The following CCDC170 variants were observed in gnomAD, a reference collection of about 807,000 sequenced individuals.
CCDC170 encodes the protein coiled-coil domain-containing protein 170.
Under a neutral mutation model 72.6 loss-of-function variants are expected in CCDC170, and 69 were observed. The ratio of observed to expected loss-of-function variants is 0.95; its 90% CI spans 0.78 to 1.16. CCDC170 has a LOEUF of 1.16. Ranked by LOEUF, CCDC170 falls within the 50% of genes most tolerant of loss-of-function variation. CCDC170 has a pLI of 0.00. For missense variants in CCDC170, 852 were observed against 832.5 expected (o/e 1.02, Z -0.29); for synonymous variants, 300 against 303.9 (o/e 0.99, Z 0.13).
intron 4 of CCDC170, among the ~76,000 whole-genome samples, chr6:151,545,928 C>G (rs1459376550): frequency 6.6e-6 from 1 of 152,120 alleles, no homozygotes; most frequent in African/African-American, 2.4e-5. Context: ...GCCACCATGC[C>G]CAGCACCCAT....
chr6:151,567,986 C>A (rs1245550358), intron 5 of CCDC170, among the ~76,000 whole-genome samples: 1 of 20,324 alleles, frequency 4.9e-5, no homozygotes, highest in Non-Finnish European at 7.4e-5. Context: ...TGGCACGCAC[C>A]TGTACCCCAG....
chr6:151,579,122 G>A (rs1776346596), intron 6 of CCDC170, among the ~76,000 whole-genome samples: 1 of 151,974 alleles, frequency 6.6e-6, no homozygotes, highest in African/African-American at 2.4e-5. Context: ...CACCTCTAGT[G>A]TTGAAATATC....
chr6:151,595,036 G>A (rs1234991232), intron 8 of CCDC170, among the ~76,000 whole-genome samples: 1 of 152,186 alleles, frequency 6.6e-6, no homozygotes. Context: ...AATGATCTGG[G>A]TATGGACACA....
chr6:151,545,089 G>A (rs1165501773), intron 4 of CCDC170, among the ~76,000 whole-genome samples: 2 of 152,066 alleles, frequency 1.3e-5, no homozygotes, highest in African/African-American at 2.4e-5. Context: ...GATACTGATT[G>A]AGTGTGAGAT....
In CCDC170 at chr6:151,527,667, C is replaced by A. The variant is rs375986747; in HGVS notation, c.58-8651C>A. ...GGCACCACTGGAAGCTTGGTGGGGG[C>A]GTGGGGAGAAAGAGAGGGAGAGAGA... is the stretch of plus-strand genomic sequence containing the variant. On this transcript the variant is annotated intron_variant, in intron 1 of 10. Transcript: ENST00000239374. 1.2e-3 allele frequency among the ~76,000 whole-genome samples: 181 copies of A among 150,652 alleles called. 1 individual carries two copies. The highest frequency in any genetic ancestry group is 4.3e-3 in the African/African-American group (176 of 40,902).
In CCDC170 at chr6:151,573,393, G is replaced by C. The variant is rs761599289; in HGVS notation, c.994G>C (p.Ala332Pro). The C allele has an allele frequency of 1.2e-6, 2 of 1,614,152 alleles. No individual in the cohort carries two copies. Among genetic ancestry groups the C allele is most frequent in the Admixed American group, 3.3e-5 (2 of 60,020 alleles). ...QYFSFREKIA[A>P]LLRGRLSMTG... ...CTTCTCATTTAGGGAGAAAATCGCA[G>C]CCCTCCTTAGGGGCAGATTGAGCAT... Residue 332 changes from alanine (A) to proline (P), a missense_variant, in exon 6 of 11, where the codon GCC (alanine) becomes CCC (proline). Coordinates refer to ENST00000239374, the MANE Select transcript of CCDC170 (RefSeq NM_025059.4).
chr6:151,582,412 T>C (rs755701404), intron 6 of CCDC170, among the ~76,000 whole-genome samples: 7 of 152,214 alleles, frequency 4.6e-5, no homozygotes, highest in African/African-American at 1.4e-4. Context: ...TTAGGCTTCA[T>C]AGATTTAAGG....
chr6:151,532,593 A>C (rs1033655573), intron 1 of CCDC170, among the ~76,000 whole-genome samples: 2 of 151,034 alleles, frequency 1.3e-5, no homozygotes, highest in African/African-American at 2.4e-5. Flanking sequence ...GGTGAGAGGG[A>C]GACTCTGTCT....
At chr6:151,541,017 C>T (rs1782681265) in intron 3 of CCDC170, among the ~76,000 whole-genome samples, 1 of 152,106 alleles carries the variant, frequency 6.6e-6, no homozygotes, top group African/African-American at 2.4e-5. Context: ...CCTGGTTTTG[C>T]TACCATTCTC....
intron 9 of CCDC170, among the ~76,000 whole-genome samples, chr6:151,607,323 G>T (rs915938148): frequency 1.4e-4 from 21 of 151,994 alleles, no homozygotes; most frequent in African/African-American, 4.8e-4. Context: ...TTTCATTTTG[G>T]TAATTGTTTT....
At chr6:151,576,869 A>G (rs897238136) in intron 6 of CCDC170, among the ~76,000 whole-genome samples, 1 of 152,166 alleles carries the variant, frequency 6.6e-6, no homozygotes, top group Non-Finnish European at 1.5e-5. Flanking sequence ...GTGGCTGAGT[A>G]ATTCTGATGT....
chr6:151,572,658 T>TTTTTATTTTTA (rs751928594), intron 5 of CCDC170, among the ~76,000 whole-genome samples: 1 of 137,948 alleles, frequency 7.2e-6, no homozygotes, highest in African/African-American at 2.8e-5. Context: ...TGTTTTTTTT[T>TTTTTATTTTTA]TTTTTTTTTT....
intron 1 of CCDC170, among the ~76,000 whole-genome samples, chr6:151,495,441 A>G (rs1209080907): frequency 6.6e-6 from 1 of 151,930 alleles, no homozygotes; most frequent in South Asian, 2.1e-4. Flanking sequence ...TACAGCCATC[A>G]TGATTCTTTC....
intron 4 of CCDC170, 140 bp downstream of exon 4, chr6:151,544,856 C>A (rs1225212798): frequency 1.6e-5 from 12 of 728,976 alleles, no homozygotes; most frequent in Non-Finnish European, 2.1e-5. Context: ...AACTGTATGA[C>A]TTGGGACAAG....
At chr6:151,497,606 A>T (rs1015631920) in intron 1 of CCDC170, among the ~76,000 whole-genome samples, 1 of 152,192 alleles carries the variant, frequency 6.6e-6, no homozygotes, top group Non-Finnish European at 1.5e-5. Flanking sequence ...GGAAAGAGAT[A>T]TGCTTTGGGG....
chr6:151,498,335 C>T (rs1781940737), intron 1 of CCDC170, among the ~76,000 whole-genome samples: 1 of 152,212 alleles, frequency 6.6e-6, no homozygotes, highest in African/African-American at 2.4e-5. Flanking sequence ...TCATAGCTAA[C>T]TATAAAGGAG....
chr6:151,527,053 T>A (rs1001274913), intron 1 of CCDC170, among the ~76,000 whole-genome samples: 7 of 139,350 alleles, frequency 5.0e-5, no homozygotes, highest in Non-Finnish European at 7.6e-5. Flanking sequence ...CTTAGCTATT[T>A]TTTTTTTTTT....
At chr6:151,613,168 C>T (rs1226662937) in intron 9 of CCDC170, among the ~76,000 whole-genome samples, 4 of 152,140 alleles carry the variant, frequency 2.6e-5, no homozygotes, top group African/African-American at 4.8e-5. Flanking sequence ...GTTTGGGAGG[C>T]TGAGGCGAGA....
intron 1 of CCDC170, among the ~76,000 whole-genome samples, chr6:151,522,334 T>C (rs867439129): frequency 1.3e-5 from 2 of 152,324 alleles, no homozygotes; most frequent in Middle Eastern, 3.4e-3. Flanking sequence ...ATATGAGTTC[T>C]CAATTTCTTT....
Sources: gnomAD v4.1 joint callset for allele counts (sites outside exome capture counted in the v4.1 genomes callset) on GRCh38, gnomAD v4.1.1 for gene constraint, MANE v1.5 for transcripts, NCBI Gene and HGNC (gene_info 2026-07-23, HGNC 2026-07-21) for gene names.